Variants in PSORS1C1 observed in about 807,000 individuals in gnomAD.
PSORS1C1 encodes the protein psoriasis susceptibility 1 candidate gene 1 protein.
A neutral mutation model predicts 9.4 loss-of-function variants in PSORS1C1; 7 were observed. The observed-to-expected ratio is 0.75, with a 90% confidence interval of 0.42 to 1.40. PSORS1C1 has a LOEUF of 1.40. PSORS1C1 is among the 40% of genes most tolerant of loss of function. The pLI is 0.01. For synonymous variants in PSORS1C1, 63 were observed against 69.4 expected (o/e 0.91, Z 0.46); for missense variants, 146 against 178.1 (o/e 0.82, Z 1.02).
intron 1 of PSORS1C1, chr6:31,116,804 G>A: frequency 1.9e-6 from 3 of 1,613,878 alleles, no homozygotes; most frequent in South Asian, 2.2e-5. Context: ...CTACAGGGGG[G>A]ACCTTGAACC....
chr6:31,133,521 T>A (rs1773011762), intron 3 of PSORS1C1: 1 of 152,334 alleles, frequency 6.6e-6, no homozygotes, highest in African/African-American at 2.4e-5. Flanking sequence ...TCCTGGTCCA[T>A]CCTCCAGACA....
At chr6:31,134,158 T>C (rs577614677) in intron 3 of PSORS1C1, among the ~76,000 whole-genome samples, 6 of 150,984 alleles carry the variant, frequency 4.0e-5, no homozygotes, top group Non-Finnish European at 8.9e-5. Context: ...TTTTTGTATT[T>C]TTAGTAGAGA....
intron 2 of PSORS1C1, among the ~76,000 whole-genome samples, chr6:31,127,675 G>A (rs1393013962): frequency 6.6e-6 from 1 of 151,850 alleles, no homozygotes; most frequent in Non-Finnish European, 1.5e-5. Flanking sequence ...TTAGCCGGGT[G>A]TGGTGGTGAA....
At chr6:31,119,030 G>C (rs1772321304) in intron 1 of PSORS1C1, among the ~76,000 whole-genome samples, 1 of 151,826 alleles carries the variant, frequency 6.6e-6, no homozygotes, top group African/African-American at 2.4e-5. Context: ...TTTTAGTAGA[G>C]AGGGGGTTTC....
At chr6:31,125,000 G>T (rs1772619325) in intron 1 of PSORS1C1, among the ~76,000 whole-genome samples, 1 of 152,108 alleles carries the variant, frequency 6.6e-6, no homozygotes, top group Non-Finnish European at 1.5e-5. Context: ...TTAAGTGAAG[G>T]TTACTGGCTC....
In PSORS1C1 at chr6:31,115,330, T is replaced by C. The variant is rs1042148; in HGVS notation, c.-229+439T>C. The C allele has an allele frequency of 0.77, 140,014 of 180,704 alleles. 55,067 individuals carry two copies. Among genetic ancestry groups the C allele is most frequent in the African/African-American group, 0.9 (37,706 of 42,008 alleles). 11.2% of individuals were successfully genotyped at this position (180,704 alleles called of 1,614,324 possible). On this transcript the variant is annotated intron_variant, in intron 1 of 5. Coordinates refer to ENST00000259881, the MANE Select transcript of PSORS1C1 (RefSeq NM_014068.3). This position sits in a 1 kb window ranked among gnomAD's most constrained non-coding sequence, Gnocchi z 4.2. ...ATCCAGGGACAGCAGGGAGCCTGCT[T>C]CAACCTCTGAGGGTGCCCCAGTGTC... is the stretch of plus-strand genomic sequence containing the variant.
chr6:31,136,489 C>T (rs1459006734), intron 3 of PSORS1C1, among the ~76,000 whole-genome samples: 1 of 151,900 alleles, frequency 6.6e-6, no homozygotes. Flanking sequence ...GGGAAGGGCA[C>T]TCTGGTCAGG....
At chr6:31,125,028 C>G (rs1461669652) in intron 1 of PSORS1C1, among the ~76,000 whole-genome samples, 1 of 151,998 alleles carries the variant, frequency 6.6e-6, no homozygotes, top group Non-Finnish European at 1.5e-5. Flanking sequence ...CCCTCCTCCA[C>G]AGCTTTCCTC....
Position 31,115,095 on chromosome 6 carries a change from GT to G in PSORS1C1, c.-229+206del, listed in dbSNP as rs1772035394. ...GGAGGCCAGGCAATCTCTGCTTTCA[GT>G]TCAACAAATATTTATTGTCTTCCTC... On this transcript the variant is annotated intron_variant, in intron 1 of 5. Transcript: ENST00000259881. This position sits in a 1 kb window ranked among gnomAD's most constrained non-coding sequence, Gnocchi z 4.2. The G allele has an allele frequency of 2.8e-6, 1 of 355,720 alleles. No individual in the cohort carries two copies. 22.0% of individuals were successfully genotyped at this position (355,720 alleles called of 1,614,324 possible).
At chr6:31,120,202 C>T (rs560588970) in intron 1 of PSORS1C1, 80 of 692,804 alleles carry the variant, frequency 1.2e-4, no homozygotes, top group Middle Eastern at 8.1e-4. Context: ...TTACCTGAGG[C>T]GACCATACAG....
chr6:31,138,792 T>A lies in PSORS1C1; in HGVS notation c.167+13T>A, dbSNP rs1409035356. The A allele has an allele frequency of 1.2e-6, 2 of 1,614,070 alleles. No individual in the cohort carries two copies. Among genetic ancestry groups the A allele is most frequent in the Non-Finnish European group, 8.5e-7 (1 of 1,179,994 alleles). On this transcript the variant is annotated intron_variant, in intron 5 of 5. Transcript: ENST00000259881. ...CAAACCATTTCTGGTGAGAGCCAAA[T>A]GCACCTTCTGCACCATGTCCCCCAC... is the stretch of plus-strand genomic sequence containing the variant.
rs1203375072 is a variant in PSORS1C1, at chr6:31,125,839, G to A, written c.-65G>A. ...GCTCCATGCCAGTGGGCAAAGCACA[G>A]GTGCGTTCACTGAGTTCCCAGCACA... On this transcript the variant is annotated splice_region_variant and 5_prime_UTR_variant, in exon 2 of 6. Coordinates refer to ENST00000259881, the MANE Select transcript of PSORS1C1 (RefSeq NM_014068.3). 2 of 152,264 alleles carry A rather than the reference G, an allele frequency of 1.3e-5. No individual in the cohort carries two copies. The highest frequency in any genetic ancestry group is 2.9e-5 in the Non-Finnish European group (2 of 68,064). The allele number at this position is 152,264 out of a possible 1,614,324, so 9.4% of individuals were successfully genotyped here. A position where few individuals can be genotyped will look rare whatever the true frequency, so the allele number is the denominator to read the frequency against.
At chr6:31,126,148 G>A (rs1043152757) in intron 2 of PSORS1C1, among the ~76,000 whole-genome samples, 4 of 152,226 alleles carry the variant, frequency 2.6e-5, no homozygotes, top group African/African-American at 9.6e-5. Context: ...GCCTGGGCCT[G>A]TGTGTCCTGC....
intron 1 of PSORS1C1, among the ~76,000 whole-genome samples, chr6:31,119,681 T>C (rs559375874): frequency 6.6e-6 from 1 of 152,296 alleles, no homozygotes; most frequent in African/African-American, 2.4e-5. Flanking sequence ...AGCGGATCAC[T>C]TGAGTCAGGA....
At chr6:31,121,177 G>GGT (rs1190212604) in intron 1 of PSORS1C1, among the ~76,000 whole-genome samples, 2 of 152,012 alleles carry the variant, frequency 1.3e-5, no homozygotes, top group East Asian at 1.9e-4. Flanking sequence ...CGGGGGTGGG[G>GGT]GGGTGCTGGG....
At chr6:31,137,889 G>A in intron 3 of PSORS1C1, 2 of 724,640 alleles carry the variant, frequency 2.8e-6, no homozygotes, top group Non-Finnish European at 4.3e-6. Context: ...CGGGGAATCA[G>A]AGGGTGGAGA....
chr6:31,131,740 G>A (rs1221538842), intron 3 of PSORS1C1, among the ~76,000 whole-genome samples: 10 of 152,094 alleles, frequency 6.6e-5, no homozygotes, highest in Admixed American at 6.5e-4. Context: ...TACCTCTCTA[G>A]GCCTGTTTCT....
chr6:31,131,032 TGCCCAG>T (rs1772888082), intron 3 of PSORS1C1, among the ~76,000 whole-genome samples: 1 of 152,060 alleles, frequency 6.6e-6, no homozygotes, highest in African/African-American at 2.4e-5. Context: ...CTTGTTATGT[TGCCCAG>T]GCCCAGGCAC....
intron 3 of PSORS1C1, among the ~76,000 whole-genome samples, chr6:31,132,323 A>G (rs1169701917): frequency 6.6e-6 from 1 of 152,126 alleles, no homozygotes; most frequent in Non-Finnish European, 1.5e-5. Flanking sequence ...GGAGTTTGAG[A>G]CCAGCCTGGC....
Sources: gnomAD v4.1 joint callset for allele counts (sites outside exome capture counted in the v4.1 genomes callset) on GRCh38, gnomAD v4.1.1 for gene constraint, Gnocchi (gnomAD v3.1) non-coding constraint, MANE v1.5 for transcripts, NCBI Gene and HGNC (gene_info 2026-07-23, HGNC 2026-07-21) for gene names.